The following CYB5D2 variants were observed in gnomAD, a reference collection of about 807,000 sequenced individuals.
CYB5D2 encodes neuferricin.
A neutral mutation model predicts 22.8 loss-of-function variants in CYB5D2; 23 were observed. The observed-to-expected ratio is 1.01, with a 90% confidence interval of 0.73 to 1.43. The LOEUF (loss-of-function observed/expected upper bound fraction) is 1.43, where lower values mean the gene tolerates loss of function less well. CYB5D2 is among the 40% of genes most tolerant of loss of function. CYB5D2 has a pLI of 0.00. For missense variants in CYB5D2, 373 were observed against 357.2 expected, an observed-to-expected ratio of 1.04 and a Z score of -0.36; for synonymous variants, 170 against 152.2, an observed-to-expected ratio of 1.12 and a Z score of -0.86.
chr17:4,152,065 T>C (rs2142994488), intron 2 of CYB5D2, among the ~76,000 whole-genome samples: 1 of 151,902 alleles, frequency 6.6e-6, no homozygotes, highest in East Asian at 1.9e-4. Context: ...GGCCAAATAC[T>C]TCATACTAAG....
At position 4,143,582 on chromosome 17, in the gene CYB5D2, A is replaced by G. The variant is rs2058918499; in HGVS notation, c.-174A>G. 2 of 846,590 alleles carry G rather than the reference A, an allele frequency of 2.4e-6. No individual in the cohort carries two copies. Among genetic ancestry groups the G allele is most frequent in the East Asian group, 2.9e-5 (1 of 34,928 alleles). 52.4% of individuals were successfully genotyped at this position (846,590 alleles called of 1,614,324 possible). ...AGTCGCAGACAGCGAGCTTTTCGCCAGTGCCAGGAATACAGATAAAACGAG... is the reference window on the plus strand; with the variant it reads ...AGTCGCAGACAGCGAGCTTTTCGCCGGTGCCAGGAATACAGATAAAACGAG... On this transcript the variant is annotated 5_prime_UTR_variant, in exon 1 of 4. Transcript: ENST00000301391.
At position 4,157,063 on chromosome 17, in the gene CYB5D2, C is replaced by G. The variant is rs1445179111; in HGVS notation, c.776C>G (p.Thr259Arg). ...ACAGGCTGCCCACCGCTAGCCATCACATGCTCCTTTCCACTCTAAGCCGTA... is the reference window on the plus strand; with the variant it reads ...ACAGGCTGCCCACCGCTAGCCATCAGATGCTCCTTTCCACTCTAAGCCGTA... ...EYTGCPPLAITCSFPL is the reference protein window; with the variant it reads ...EYTGCPPLAIRCSFPL Residue 259 changes from threonine to arginine, a missense_variant, in exon 4 of 4, where the codon ACA becomes AGA. Physicochemically the swap from Thr to Arg is moderately conservative, Grantham distance 71. Coordinates refer to ENST00000301391, the MANE Select transcript of CYB5D2 (RefSeq NM_144611.4). The surrounding 1 kb of genome is among the most constrained non-coding windows in gnomAD (Gnocchi z 4.4). 1 of 1,612,442 alleles carries G rather than the reference C, an allele frequency of 6.2e-7. No homozygotes were observed. The highest frequency in any genetic ancestry group is 8.5e-7 in the Non-Finnish European group (1 of 1,180,032).
rs752075301 is a variant in CYB5D2 at position 4,156,895 on chromosome 17, TC to T, written c.612del (p.Arg205GlyfsTer16). The T allele has an allele frequency of 1.6e-5, 26 of 1,612,692 alleles. No homozygotes were observed. The highest frequency in any genetic ancestry group is 2.2e-5 in the Non-Finnish European group (26 of 1,179,986). On this transcript the variant is annotated frameshift_variant, in exon 4 of 4. Transcript: ENST00000301391. LOFTEE classifies it high-confidence loss of function. The stretch of plus-strand genomic sequence containing the variant: ...GGTGTGAGCAGAGACTGGATTGGCG[TC>T]CCCAGGAAGCTGTATAAGCCAGGTG... ...SGGVSRDWIG[V>X]PRKLYKPGAK...
intron 3 of CYB5D2, among the ~76,000 whole-genome samples, 154 bp from the exon 4 acceptor site, chr17:4,156,712 G>A (rs1317097570): frequency 6.6e-6 from 1 of 152,212 alleles, no homozygotes; most frequent in Non-Finnish European, 1.5e-5. Flanking sequence ...AGAGCATGAA[G>A]GCTCAGGGGC....
intron 1 of CYB5D2, 67 bp downstream of exon 1, chr17:4,144,072 C>A: frequency 1.8e-5 from 28 of 1,518,974 alleles, no homozygotes; most frequent in Non-Finnish European, 2.4e-5. Context: ...GCGCGTCGTT[C>A]GTTGGTTCAT....
At chr17:4,156,254 G>A (rs1241759477) in intron 3 of CYB5D2, among the ~76,000 whole-genome samples, 1 of 152,260 alleles carries the variant, frequency 6.6e-6, no homozygotes, top group Non-Finnish European at 1.5e-5. Flanking sequence ...AGATAGGAGG[G>A]TGCTCAGGTT....
intron 2 of CYB5D2, among the ~76,000 whole-genome samples, 198 bp downstream of exon 2, chr17:4,150,229 C>G (rs896117776): frequency 6.6e-6 from 1 of 152,190 alleles, no homozygotes; most frequent in Admixed American, 6.5e-5. Context: ...CACTCTTAGT[C>G]TTGGGAGAGG....
chr17:4,153,324 C>T (rs1404901915), intron 2 of CYB5D2, among the ~76,000 whole-genome samples: 2 of 150,824 alleles, frequency 1.3e-5, no homozygotes, highest in Non-Finnish European at 2.9e-5. Context: ...CAGGGAAGAG[C>T]GGTGCGAAGG....
Position 4,143,584 on chromosome 17 carries a change from T to C in CYB5D2, c.-172T>C, listed in dbSNP as rs1416016128. ...TCGCAGACAGCGAGCTTTTCGCCAG[T>C]GCCAGGAATACAGATAAAACGAGAG... On this transcript the variant is annotated 5_prime_UTR_variant, in exon 1 of 4. Coordinates refer to ENST00000301391, the MANE Select transcript of CYB5D2 (RefSeq NM_144611.4). 6.7e-6 allele frequency: 6 copies of C among 892,158 alleles called. No individual in the cohort carries two copies. The South Asian group carries it at 8.7e-5, about 13-fold the overall frequency. The allele number at this position is 892,158 out of a possible 1,614,324, so 55.3% of individuals were successfully genotyped here. A position where few individuals can be genotyped will look rare whatever the true frequency, so the allele number is the denominator to read the frequency against.
At position 4,143,636 on chromosome 17, in the gene CYB5D2, A is replaced by T; in HGVS notation, c.-120A>T. On this transcript the variant is annotated 5_prime_UTR_variant, in exon 1 of 4. Transcript: ENST00000301391. ...GACTAAGGGAGGGAGCGCGAGCACTAGCGCGCGAGAGAGAGAGCGAGAGCG... is the reference window on the plus strand; with the variant it reads ...GACTAAGGGAGGGAGCGCGAGCACTTGCGCGCGAGAGAGAGAGCGAGAGCG... 2 of 1,175,326 alleles carry T rather than the reference A, an allele frequency of 1.7e-6. No individual in the cohort carries two copies. The highest frequency in any genetic ancestry group is 2.4e-6 in the Non-Finnish European group (2 of 842,950). The allele number at this position is 1,175,326 out of a possible 1,614,324, so 72.8% of individuals were successfully genotyped here. A position where few individuals can be genotyped will look rare whatever the true frequency, so the allele number is the denominator to read the frequency against.
Position 4,143,633 on chromosome 17 carries a change from A to G in CYB5D2, c.-123A>G. ...AGAGACTAAGGGAGGGAGCGCGAGC[A>G]CTAGCGCGCGAGAGAGAGAGCGAGA... On this transcript the variant is annotated 5_prime_UTR_variant, in exon 1 of 4. Transcript: ENST00000301391. The G allele has an allele frequency of 1.5e-6, 2 of 1,357,936 alleles. No homozygotes were observed. Among genetic ancestry groups the G allele is most frequent in the East Asian group, 2.4e-5 (1 of 42,044 alleles). 84.1% of individuals were successfully genotyped at this position (1,357,936 alleles called of 1,614,324 possible). A position where few individuals can be genotyped will look rare whatever the true frequency, so the allele number is the denominator to read the frequency against.
chr17:4,155,276 G>A (rs1469971384), intron 3 of CYB5D2, among the ~76,000 whole-genome samples: 4 of 152,142 alleles, frequency 2.6e-5, no homozygotes, highest in African/African-American at 9.7e-5. Flanking sequence ...GGGACGAGGA[G>A]GTGGGGAGGG....
Position 4,145,644 on chromosome 17 carries a change from G to T in CYB5D2, c.250+1639G>T, listed in dbSNP as rs1029492597. 3.3e-5 allele frequency among the ~76,000 whole-genome samples: 5 copies of T among 152,318 alleles called. 1 individual carries two copies. Among genetic ancestry groups the T allele is most frequent in the Admixed American group, 3.3e-4 (5 of 15,296 alleles). The stretch of plus-strand genomic sequence containing the variant: ...TACCACTACCTACCTTGTGTCAGGG[G>T]CTGTGGAATCCAAGATGTCTGCAAC... On this transcript the variant is annotated intron_variant, in intron 1 of 3. Transcript: ENST00000301391.
chr17:4,153,008 C>T (rs2059073994), intron 2 of CYB5D2, among the ~76,000 whole-genome samples: 1 of 152,108 alleles, frequency 6.6e-6, no homozygotes, highest in African/African-American at 2.4e-5. Context: ...GAACCCCTGA[C>T]CTCAAGTGAT....
chr17:4,157,302 A>C lies in CYB5D2; in HGVS notation c.*220A>C. The C allele has an allele frequency of 5.1e-6, 3 of 592,186 alleles. No homozygotes were observed. In the South Asian group the frequency reaches 6.0e-5, roughly 12 times the overall value. 36.7% of individuals were successfully genotyped at this position (592,186 alleles called of 1,614,324 possible). A position where few individuals can be genotyped will look rare whatever the true frequency, so the allele number is the denominator to read the frequency against. On this transcript the variant is annotated 3_prime_UTR_variant, in exon 4 of 4. Transcript: ENST00000301391. This position sits in a 1 kb window ranked among gnomAD's most constrained non-coding sequence, Gnocchi z 4.4. ...CCTGCCCAGTACTGGTCAGCTTTTCAACACTATTCCCTTTGACCTACTGGC... is the reference window on the plus strand; with the variant it reads ...CCTGCCCAGTACTGGTCAGCTTTTCCACACTATTCCCTTTGACCTACTGGC...
intron 1 of CYB5D2, 129 bp from the exon 2 acceptor site, chr17:4,149,762 G>A: frequency 1.1e-5 from 13 of 1,136,662 alleles, no homozygotes; most frequent in Non-Finnish European, 1.6e-5. Context: ...TCATGCCACT[G>A]CACTCCAGCC....
chr17:4,143,651 G>C lies in CYB5D2; in HGVS notation c.-105G>C, dbSNP rs2058922832. 2 of 1,487,996 alleles carry C rather than the reference G, an allele frequency of 1.3e-6. No homozygotes were observed. The highest frequency in any genetic ancestry group is 1.4e-5 in the African/African-American group (1 of 71,182). The allele number at this position is 1,487,996 out of a possible 1,614,324, so 92.2% of individuals were successfully genotyped here. A position where few individuals can be genotyped will look rare whatever the true frequency, so the allele number is the denominator to read the frequency against. On this transcript the variant is annotated 5_prime_UTR_variant, in exon 1 of 4. Coordinates refer to ENST00000301391, the MANE Select transcript of CYB5D2 (RefSeq NM_144611.4). The stretch of plus-strand genomic sequence containing the variant: ...CGCGAGCACTAGCGCGCGAGAGAGA[G>C]AGCGAGAGCGCGCGCGCCGATGACG...
intron 1 of CYB5D2, among the ~76,000 whole-genome samples, chr17:4,149,099 G>A (rs1489343568): frequency 6.6e-6 from 1 of 152,094 alleles, no homozygotes; most frequent in African/African-American, 2.4e-5. Context: ...TAGCCACCAC[G>A]CCCAGCCAGT....
Position 4,143,518 on chromosome 17 carries a change from ACT to A in CYB5D2, c.-235_-234del. ...TCCAGCCTGGACAACAAGAGCTAAA[ACT>A]CTGTCTCAGAAAAAAAAAAAAAAAG... On this transcript the variant is annotated 5_prime_UTR_variant, in exon 1 of 4. Coordinates refer to ENST00000301391, the MANE Select transcript of CYB5D2 (RefSeq NM_144611.4). 1 of 443,448 alleles carries A rather than the reference ACT, an allele frequency of 2.3e-6. No homozygotes were observed. Among genetic ancestry groups the A allele is most frequent in the East Asian group, 4.2e-5 (1 of 23,584 alleles). 27.5% of individuals were successfully genotyped at this position (443,448 alleles called of 1,614,324 possible). A position where few individuals can be genotyped will look rare whatever the true frequency, so the allele number is the denominator to read the frequency against.
Sources: allele counts gnomAD v4.1 joint callset (sites outside exome capture counted in the v4.1 genomes callset), GRCh38; gene constraint gnomAD v4.1.1; non-coding constraint Gnocchi (gnomAD v3.1); transcripts MANE v1.5; gene names NCBI Gene and HGNC (gene_info 2026-07-23, HGNC 2026-07-21).